Variants in WNK1 observed in about 807,000 individuals in gnomAD.
The protein encoded by WNK1 is WNK lysine deficient protein kinase 1.
Under a neutral mutation model 222.8 loss-of-function variants are expected in WNK1, and 38 were observed. That is an observed-to-expected ratio of 0.17 (90% CI 0.13 to 0.22). The LOEUF is 0.22. Ranked by LOEUF, WNK1 falls within the 10% of genes least tolerant of loss-of-function variation. The probability of loss-of-function intolerance (pLI) is 1.00; values close to 1 mark genes in which losing one functional copy is unlikely to be tolerated. For synonymous variants in WNK1, 1,090 were observed against 1,092.9 expected (o/e 1.00, Z 0.05); for missense variants, 2,348 against 2,918.4 (o/e 0.80, Z 4.50).
intron 2 of WNK1, among the ~76,000 whole-genome samples, chr12:822,481 C>T (rs1488482702): frequency 3.3e-5 from 5 of 152,058 alleles, no homozygotes; most frequent in African/African-American, 1.2e-4. Flanking sequence ...ATTTATTTTT[C>T]TTTTGTAGTA....
rs1212431255 is a variant in WNK1 at position 894,572 on chromosome 12, C to T, written c.5520C>T (p.Val1840=). The change falls in exon 23 of 28, where the codon GTC becomes GTT. Residue 1840 remains valine (V), a synonymous_variant. Coordinates refer to ENST00000315939, the MANE Select transcript of WNK1 (RefSeq NM_018979.4). ...GTQPQKGVSQ[V]KEGPVLATSS... Reference sequence around the variant, plus strand: ...ATGTATTTGTTTCAGTTTCTCAAGTCAAAGAAGGCCCTGTCCTAGCAACTA... The same window carrying T: ...ATGTATTTGTTTCAGTTTCTCAAGTTAAAGAAGGCCCTGTCCTAGCAACTA... 5.0e-6 allele frequency: 8 copies of T among 1,613,792 alleles called. No individual in the cohort carries two copies. Among genetic ancestry groups the T allele is most frequent in the Middle Eastern group, 1.7e-4 (1 of 6,058 alleles).
chr12:844,612 A>C (rs919317525), intron 4 of WNK1, among the ~76,000 whole-genome samples: 1 of 152,092 alleles, frequency 6.6e-6, no homozygotes, highest in Non-Finnish European at 1.5e-5. Context: ...TTAGTTGTGT[A>C]TGCTCTACAG....
intron 1 of WNK1, among the ~76,000 whole-genome samples, chr12:799,317 G>C (rs570942518): frequency 4.0e-5 from 6 of 149,544 alleles, no homozygotes; most frequent in Non-Finnish European, 3.0e-5. Context: ...TTTTTGTAGA[G>C]ATGGGGTTTT....
At chr12:768,888 CA>C (rs1421834529) in intron 1 of WNK1, among the ~76,000 whole-genome samples, 6 of 152,014 alleles carry the variant, frequency 3.9e-5, no homozygotes, top group Non-Finnish European at 8.8e-5. Context: ...CAGCTCACTG[CA>C]ACCTCCGCTT....
chr12:753,690 C>A lies in WNK1; in HGVS notation c.125C>A (p.Ala42Glu), dbSNP rs762592112. 1.2e-6 allele frequency: 2 copies of A among 1,611,972 alleles called. No homozygotes were observed. Among genetic ancestry groups the A allele is most frequent in the Non-Finnish European group, 1.7e-6 (2 of 1,179,788 alleles). The change falls in exon 1 of 28, where the codon GCG (alanine) becomes GAG (glutamate). Residue 42 changes from alanine to glutamate, a missense_variant. Transcript: ENST00000315939. This position sits in a 1 kb window ranked among gnomAD's most constrained non-coding sequence, Gnocchi z 5.2. ...TCCGTGGGGGAGAAACTGGGAGCCG[C>A]GGCCGCCGACGCTGTGACCGGCAGG... ...DSSVGEKLGA[A>E]AADAVTGRTE...
intron 22 of WNK1, among the ~76,000 whole-genome samples, chr12:891,558 T>C (rs1158837684): frequency 6.6e-6 from 1 of 151,750 alleles, no homozygotes; most frequent in Admixed American, 6.6e-5. Context: ...TGAAATATTA[T>C]ATCATAAAAT....
At position 894,914 on chromosome 12, in the gene WNK1, T is replaced by G. The variant is rs1736281465; in HGVS notation, c.5583+279T>G. ...GGTGTATTTCCTTCCACTCCTTGTT[T>G]TCTGTACAAGTGTTTATCTAAAATT... On this transcript the variant is annotated intron_variant, in intron 23 of 27. Coordinates refer to ENST00000315939, the MANE Select transcript of WNK1 (RefSeq NM_018979.4). Among the ~76,000 whole-genome samples, 10 of 152,300 alleles carry G rather than the reference T, an allele frequency of 6.6e-5. 1 individual carries two copies. The South Asian group carries it at 2.1e-3, about 32-fold the overall frequency.
chr12:881,652 C>A, intron 12 of WNK1, 40 bp from the exon 13 acceptor site: 2 of 1,499,262 alleles, frequency 1.3e-6, no homozygotes, highest in South Asian at 1.1e-5. Flanking sequence ...AATGATAAAT[C>A]TATTACTACC....
rs770206214 is a variant in WNK1, at chr12:883,868, T to TA, written c.3721+37_3721+38insA. ...TTCTTTCCTTGTTTTTACCTTTGAC[T>TA]TAAGAAGCCATTAGCCGAGGGTGGT... is the stretch of plus-strand genomic sequence containing the variant. On this transcript the variant is annotated intron_variant, in intron 17 of 27. Coordinates refer to ENST00000315939, the MANE Select transcript of WNK1 (RefSeq NM_018979.4). 12 of 1,609,278 alleles carry TA rather than the reference T, an allele frequency of 7.5e-6. No homozygotes were observed. The South Asian group carries it at 1.2e-4, about 16-fold the overall frequency.
chr12:774,365 T>C (rs1942875839), intron 1 of WNK1, among the ~76,000 whole-genome samples: 1 of 152,188 alleles, frequency 6.6e-6, no homozygotes, highest in South Asian at 2.1e-4. Flanking sequence ...CCCCTCCCTC[T>C]TGAGTATAAT....
chr12:861,579 A>G (rs1951222178), intron 7 of WNK1, among the ~76,000 whole-genome samples: 1 of 152,222 alleles, frequency 6.6e-6, no homozygotes. Context: ...AAGCTTCAAC[A>G]TCTTGGAGGT....
chr12:831,365 C>A (rs1380193943), intron 4 of WNK1, among the ~76,000 whole-genome samples: 1 of 151,778 alleles, frequency 6.6e-6, no homozygotes, highest in Admixed American at 6.6e-5. Flanking sequence ...TGGTGAAACC[C>A]CATCTCTACT....
At chr12:878,639 G>A (rs1952839616) in intron 10 of WNK1, among the ~76,000 whole-genome samples, 1 of 152,112 alleles carries the variant, frequency 6.6e-6, no homozygotes, top group East Asian at 1.9e-4. Context: ...GATGTAACAG[G>A]TATTAGAAAT....
intron 1 of WNK1, among the ~76,000 whole-genome samples, chr12:765,278 T>C (rs1021392272): frequency 3.4e-5 from 5 of 147,942 alleles, no homozygotes; most frequent in African/African-American, 7.3e-5. Flanking sequence ...CTGGGCATGG[T>C]GGCTTATACC....
Position 896,382 on chromosome 12 carries a change from C to A in WNK1, c.5895C>A (p.Asp1965Glu), listed in dbSNP as rs1423749140. 2 of 1,614,114 alleles carry A rather than the reference C, an allele frequency of 1.2e-6. No individual in the cohort carries two copies. The highest frequency in any genetic ancestry group is 1.7e-6 in the Non-Finnish European group (2 of 1,180,024). ...VGRFSVSKTE[D>E]KITDTKKEGP... ...GTTTCTCTGTATCAAAAACTGAGGA[C>A]AAGATCACTGACACAAAGAAAGAAG... Residue 1965 changes from aspartate to glutamate, a missense_variant, in exon 24 of 28, where the codon GAC (aspartate) becomes GAA (glutamate). Asp to Glu is a conservative substitution (Grantham distance 45). Around this residue, in one of 13 missense-constraint regions of WNK1, gnomAD observed 1,144 missense variants for 1,273.6 expected, o/e 0.90. Coordinates refer to ENST00000315939, the MANE Select transcript of WNK1 (RefSeq NM_018979.4).
chr12:759,556 C>T (rs775322591), intron 1 of WNK1, among the ~76,000 whole-genome samples: 1 of 147,664 alleles, frequency 6.8e-6, no homozygotes, highest in Non-Finnish European at 1.5e-5. Context: ...GTCTTGAACA[C>T]CTGACCTCGT....
chr12:786,469 CT>C lies in WNK1; in HGVS notation c.760-27158del, dbSNP rs71051383. Among the ~76,000 whole-genome samples, 469 of 139,598 alleles carry C rather than the reference CT, an allele frequency of 3.4e-3. 4 individuals are homozygous for C. The highest frequency in any genetic ancestry group is 9.6e-3 in the African/African-American group (366 of 38,170). 91.6% of individuals were successfully genotyped at this position (139,598 alleles called of 152,430 possible). On this transcript the variant is annotated intron_variant, in intron 1 of 27. Transcript: ENST00000315939. Reference sequence around the variant, plus strand: ...TGTTTTATTTGTTCCTCTATCTTCCCTTTTTTTTTTTTTTTGAGACAGAATT... The same window carrying C: ...TGTTTTATTTGTTCCTCTATCTTCCCTTTTTTTTTTTTTTGAGACAGAATT...
intron 1 of WNK1, among the ~76,000 whole-genome samples, chr12:811,604 C>T (rs1946911826): frequency 6.6e-6 from 1 of 152,016 alleles, no homozygotes; most frequent in Admixed American, 6.5e-5. Context: ...TCCTTCTGAT[C>T]TGTGTCTTAT....
intron 4 of WNK1, among the ~76,000 whole-genome samples, chr12:839,959 C>T (rs539179283): frequency 3.3e-4 from 50 of 150,452 alleles, no homozygotes; most frequent in Admixed American, 2.1e-3. Flanking sequence ...AACTCCTGAC[C>T]TCAAGTGATC....
Sources: allele counts gnomAD v4.1 joint callset (sites outside exome capture counted in the v4.1 genomes callset), GRCh38; gene constraint gnomAD v4.1.1; regional missense constraint gnomAD v4.1.1; non-coding constraint Gnocchi (gnomAD v3.1); transcripts MANE v1.5; gene names NCBI Gene and HGNC (gene_info 2026-07-23, HGNC 2026-07-21).